Variants in SERGEF observed in about 807,000 individuals in gnomAD.
The protein encoded by SERGEF is secretion regulating guanine nucleotide exchange factor.
In SERGEF, 51 loss-of-function variants were observed where a neutral mutation model predicts 50.0. The ratio of observed to expected loss-of-function variants is 1.02; its 90% confidence interval spans 0.81 to 1.29. SERGEF has a LOEUF of 1.29. Among genes scored for constraint, SERGEF ranks in the 50% most tolerant of loss-of-function variants. The probability of loss-of-function intolerance (pLI) is 0.00; values close to 1 mark genes in which losing one functional copy is unlikely to be tolerated. For synonymous variants in SERGEF, 205 were observed against 212.4 expected, an observed-to-expected ratio of 0.97 and a Z score of 0.30; for missense variants, 521 against 557.0, an observed-to-expected ratio of 0.94 and a Z score of 0.65.
At chr11:17,946,078 A>G (rs1247475924) in intron 9 of SERGEF, among the ~76,000 whole-genome samples, 1 of 152,204 alleles carries the variant, frequency 6.6e-6, no homozygotes, top group Non-Finnish European at 1.5e-5. Flanking sequence ...TGGCCTTAGA[A>G]CTTTGGAAGA....
chr11:17,903,258 G>A (rs967865752), intron 9 of SERGEF, among the ~76,000 whole-genome samples: 4 of 152,020 alleles, frequency 2.6e-5, no homozygotes, highest in South Asian at 2.1e-4. Context: ...GACTCACTGC[G>A]GAAGCCTACA....
At position 17,998,831 on chromosome 11, in the gene SERGEF, G is replaced by GAA. The variant is rs141697385; in HGVS notation, c.508+1664_508+1665dup. 1.6e-3 allele frequency among the ~76,000 whole-genome samples: 235 copies of GAA among 142,984 alleles called. 1 individual carries two copies. The highest frequency in any genetic ancestry group is 3.4e-3 in the African/African-American group (135 of 39,134). The allele number at this position is 142,984 out of a possible 152,430, so 93.8% of individuals were successfully genotyped here. On this transcript the variant is annotated intron_variant, in intron 5 of 10. Transcript: ENST00000265965. ...AAGAAGGTGGTCACCTACAGGCCAG[G>GAA]AAAAAAAAAAAAACTCACGAGAAAC...
chr11:17,954,907 A>G (rs912745597), intron 9 of SERGEF, among the ~76,000 whole-genome samples: 3 of 152,224 alleles, frequency 2.0e-5, no homozygotes, highest in African/African-American at 4.8e-5. Context: ...CCTGAATAAC[A>G]AAATGGGAGT....
rs1035732214 is a variant in SERGEF, at chr11:17,802,730, A to G, written c.1049-14317T>C. On this transcript the variant is annotated intron_variant, in intron 10 of 10. Coordinates refer to ENST00000265965, the MANE Select transcript of SERGEF (RefSeq NM_012139.4). Reference sequence around the variant, plus strand: ...CTCTGCCCGGAACCTTCCTCCCCAGATAACCATATGGCTCCCTCCCTCCCT... The same window carrying G: ...CTCTGCCCGGAACCTTCCTCCCCAGGTAACCATATGGCTCCCTCCCTCCCT... 9.2e-5 allele frequency among the ~76,000 whole-genome samples: 14 copies of G among 152,160 alleles called. No individual in the cohort carries two copies. In the East Asian group the frequency reaches 2.1e-3, roughly 23 times the overall value.
rs554541004 is a variant in SERGEF at position 17,824,481 on chromosome 11, G to A, written c.1049-36068C>T. On this transcript the variant is annotated intron_variant, in intron 10 of 10. Coordinates refer to ENST00000265965, the MANE Select transcript of SERGEF (RefSeq NM_012139.4). ...TGTAGAACTATTATAGCAATCTTGT[G>A]GGGGGATATCATCAGACCTGTCATG... 7.2e-5 allele frequency among the ~76,000 whole-genome samples: 11 copies of A among 152,268 alleles called. No individual in the cohort carries two copies. The South Asian group carries it at 2.3e-3, about 32-fold the overall frequency.
chr11:17,813,803 G>A (rs1268745865), intron 10 of SERGEF, among the ~76,000 whole-genome samples: 1 of 152,226 alleles, frequency 6.6e-6, no homozygotes, highest in Non-Finnish European at 1.5e-5. Flanking sequence ...AATGTGTACA[G>A]GATATGGAGG....
intron 9 of SERGEF, among the ~76,000 whole-genome samples, chr11:17,919,435 G>A (rs2133937645): frequency 6.6e-6 from 1 of 152,228 alleles, no homozygotes; most frequent in South Asian, 2.1e-4. Flanking sequence ...AGGAAAAAGG[G>A]ACAGAAGAGA....
rs1271435861 is a variant in SERGEF, at chr11:18,012,980, C to T, written c.31G>A (p.Ala11Thr). The change falls in exon 1 of 11, where the codon GCC (alanine) becomes ACC (threonine). Residue 11 changes from alanine to threonine, a missense_variant. Transcript: ENST00000265965. Reference protein sequence around the residue: MEREPSASEAAPAAAALFAWG... With the variant: MEREPSASEATPAAAALFAWG... ...GCGAAGAGCGCGGCCGCCGCGGGGG[C>T]GGCCTCCGAGGCGCTGGGCTCGCGC... The T allele has an allele frequency of 7.5e-6, 11 of 1,468,078 alleles. No individual in the cohort carries two copies. The Admixed American group carries it at 2.0e-4, about 27-fold the overall frequency. 90.9% of individuals were successfully genotyped at this position (1,468,078 alleles called of 1,614,324 possible). A position where few individuals can be genotyped will look rare whatever the true frequency, so the allele number is the denominator to read the frequency against.
At chr11:18,009,524 C>T (rs903682010) in intron 1 of SERGEF, among the ~76,000 whole-genome samples, 5 of 152,114 alleles carry the variant, frequency 3.3e-5, no homozygotes, top group African/African-American at 9.7e-5. Flanking sequence ...ATGGGAAAAC[C>T]AACAATGACT....
At chr11:17,938,900 A>G (rs1852506253) in intron 9 of SERGEF, among the ~76,000 whole-genome samples, 1 of 152,208 alleles carries the variant, frequency 6.6e-6, no homozygotes. Context: ...AGCAATGGAC[A>G]AATGGGTGTT....
rs12226552 is a variant in SERGEF at position 17,824,226 on chromosome 11, A to G, written c.1049-35813T>C. Among the ~76,000 whole-genome samples the G allele has an allele frequency of 6.2e-3, 942 of 151,874 alleles. 44 individuals carry two copies. The East Asian group carries it at 0.12, about 20-fold the overall frequency. ...TGAGGCAGGAGAATGGCGTGAACCC[A>G]GGAGGCGGAGCTTGCAGTGAGCCAA... On this transcript the variant is annotated intron_variant, in intron 10 of 10. Transcript: ENST00000265965.
intron 9 of SERGEF, among the ~76,000 whole-genome samples, chr11:17,904,741 A>G (rs188724053): frequency 3.7e-4 from 56 of 152,328 alleles, no homozygotes; most frequent in African/African-American, 1.3e-3. Flanking sequence ...GCAAACAGAT[A>G]TAACCTTCCA....
chr11:17,831,634 G>A (rs1164650897), intron 10 of SERGEF, among the ~76,000 whole-genome samples: 1 of 152,230 alleles, frequency 6.6e-6, no homozygotes, highest in African/African-American at 2.4e-5. Flanking sequence ...CAATTGCAAA[G>A]AGGCTCATTT....
chr11:17,835,418 C>T (rs1590144973), intron 10 of SERGEF, among the ~76,000 whole-genome samples: 1 of 152,122 alleles, frequency 6.6e-6, no homozygotes, highest in Admixed American at 6.5e-5. Flanking sequence ...GGCAGACTTC[C>T]TACATATATG....
In SERGEF at chr11:17,936,531, G is replaced by A. The variant is rs543080607; in HGVS notation, c.1011+22939C>T. Among the ~76,000 whole-genome samples the A allele has an allele frequency of 2.0e-4, 31 of 152,226 alleles. No homozygotes were observed. In the South Asian group the frequency reaches 6.4e-3, roughly 32 times the overall value. On this transcript the variant is annotated intron_variant, in intron 9 of 10. Coordinates refer to ENST00000265965, the MANE Select transcript of SERGEF (RefSeq NM_012139.4). ...GTTTTCATATTCATTATTCTCATCT[G>A]ACAAGTAACAGAACAGGATTTTTTT...
chr11:17,951,200 C>T (rs982732315), intron 9 of SERGEF, among the ~76,000 whole-genome samples: 5 of 152,152 alleles, frequency 3.3e-5, no homozygotes, highest in African/African-American at 4.8e-5. Flanking sequence ...AACCTGTACC[C>T]GAAGCAGCTC....
rs576665707 is a variant in SERGEF at position 17,959,731 on chromosome 11, T to C, written c.845-95A>G. 14 of 1,080,856 alleles carry C rather than the reference T, an allele frequency of 1.3e-5. No individual in the cohort carries two copies. The East Asian group carries it at 3.5e-4, about 27-fold the overall frequency. 67.0% of individuals were successfully genotyped at this position (1,080,856 alleles called of 1,614,324 possible). On this transcript the variant is annotated intron_variant, in intron 8 of 10. Transcript: ENST00000265965. ...ACAAGAGAAAGTGTGACATTTATTT[T>C]AGTACCACCTACCAGGAGCCTTCCT...
chr11:17,852,216 T>C (rs1269068092), intron 10 of SERGEF, among the ~76,000 whole-genome samples: 1 of 152,160 alleles, frequency 6.6e-6, no homozygotes, highest in African/African-American at 2.4e-5. Flanking sequence ...TTGCCCAAGG[T>C]CATTCAGCTA....
chr11:17,802,674 TTCCAG>T (rs1427389235), intron 10 of SERGEF, among the ~76,000 whole-genome samples: 2 of 152,122 alleles, frequency 1.3e-5, no homozygotes, highest in Non-Finnish European at 2.9e-5. Context: ...CCAGTCATGC[TTCCAG>T]CTTTAGCCTT....
Sources: allele counts gnomAD v4.1 joint callset (sites outside exome capture counted in the v4.1 genomes callset), GRCh38; gene constraint gnomAD v4.1.1; transcripts MANE v1.5; gene names NCBI Gene and HGNC (gene_info 2026-07-23, HGNC 2026-07-21).